Variants in SHROOM3 observed in about 807,000 individuals in gnomAD.
SHROOM3 encodes the protein protein Shroom3.
Under a neutral mutation model 138.6 loss-of-function variants are expected in SHROOM3, and 47 were observed. That is an observed-to-expected ratio of 0.34 (90% CI 0.27 to 0.43). The LOEUF (loss-of-function observed/expected upper bound fraction) is 0.43. Ranked by LOEUF, SHROOM3 falls within the 20% of genes least tolerant of loss-of-function variation. SHROOM3 has a pLI of 1.00. For synonymous variants in SHROOM3, 1,062 were observed against 1,063.3 expected, an observed-to-expected ratio of 1.00 and a Z score of 0.02; for missense variants, 2,491 against 2,596.5, an observed-to-expected ratio of 0.96 and a Z score of 0.88.
At chr4:76,638,319 C>T (rs990916893) in intron 2 of SHROOM3, among the ~76,000 whole-genome samples, 1 of 151,552 alleles carries the variant, frequency 6.6e-6, no homozygotes, top group Non-Finnish European at 1.5e-5. Flanking sequence ...ACTATGTACC[C>T]AAAAAAATTA....
At chr4:76,641,263 C>T (rs1008777466) in intron 2 of SHROOM3, among the ~76,000 whole-genome samples, 3 of 152,100 alleles carry the variant, frequency 2.0e-5, no homozygotes, top group African/African-American at 7.2e-5. Context: ...GGAAGGATGC[C>T]TTGATGAATG....
At chr4:76,516,317 T>C (rs1732444540) in intron 1 of SHROOM3, among the ~76,000 whole-genome samples, 1 of 152,206 alleles carries the variant, frequency 6.6e-6, no homozygotes, top group Admixed American at 6.5e-5. Flanking sequence ...TTGCTCCTAT[T>C]ATCCATCCTT....
intron 2 of SHROOM3, among the ~76,000 whole-genome samples, chr4:76,668,256 G>C (rs1230603800): frequency 1.3e-5 from 2 of 151,788 alleles, no homozygotes; most frequent in Non-Finnish European, 2.9e-5. Context: ...TAGTTCTGTG[G>C]TGCAGTTTGA....
intron 2 of SHROOM3, among the ~76,000 whole-genome samples, chr4:76,569,711 T>C (rs568029230): frequency 2.8e-4 from 42 of 151,892 alleles, no homozygotes; most frequent in East Asian, 1.2e-3. Context: ...TTTTTTTTTT[T>C]CCCCTCAAAG....
chr4:76,597,519 C>T (rs1362995710), intron 2 of SHROOM3, among the ~76,000 whole-genome samples: 1 of 151,692 alleles, frequency 6.6e-6, no homozygotes, highest in East Asian at 1.9e-4. Context: ...GTAGAGGGTC[C>T]CACAAATTCC....
chr4:76,499,927 A>C lies in SHROOM3; in HGVS notation c.169-55682A>C, dbSNP rs116606941. 3.3e-3 allele frequency among the ~76,000 whole-genome samples: 497 copies of C among 152,358 alleles called. 3 individuals carry two copies. The highest frequency in any genetic ancestry group is 0.011 in the African/African-American group (468 of 41,584). ...GCTTAAAATAAAAATGATAGCTACCACTTACGGAATTCACTCATGTATTCA... is the reference window on the plus strand; with the variant it reads ...GCTTAAAATAAAAATGATAGCTACCCCTTACGGAATTCACTCATGTATTCA... On this transcript the variant is annotated intron_variant, in intron 1 of 10. Transcript: ENST00000296043.
intron 2 of SHROOM3, among the ~76,000 whole-genome samples, chr4:76,582,816 T>C (rs1734077298): frequency 1.3e-5 from 2 of 152,128 alleles, no homozygotes; most frequent in Admixed American, 1.3e-4. Flanking sequence ...AGTAACGTGT[T>C]CAAGGTCACG....
At chr4:76,446,883 G>A (rs910340438) in intron 1 of SHROOM3, among the ~76,000 whole-genome samples, 1 of 152,172 alleles carries the variant, frequency 6.6e-6, no homozygotes, top group Non-Finnish European at 1.5e-5. Context: ...TACATCTGCT[G>A]TGCTCATCCA....
At chr4:76,553,885 A>G (rs1733421346) in intron 1 of SHROOM3, among the ~76,000 whole-genome samples, 1 of 152,248 alleles carries the variant, frequency 6.6e-6, no homozygotes, top group African/African-American at 2.4e-5. Flanking sequence ...TGCTGCCCAC[A>G]CATACACATA....
At chr4:76,621,216 T>A (rs1390004789) in intron 2 of SHROOM3, among the ~76,000 whole-genome samples, 1 of 151,810 alleles carries the variant, frequency 6.6e-6, no homozygotes, top group Non-Finnish European at 1.5e-5. Context: ...AGCCTCACAC[T>A]GGGCTAACAC....
chr4:76,689,007 C>A, intron 2 of SHROOM3: 1 of 862,292 alleles, frequency 1.2e-6, no homozygotes, highest in Non-Finnish European at 1.4e-6. Context: ...TTGCTTCATT[C>A]ATGCTTCATT....
chr4:76,672,373 T>C (rs530948491), intron 2 of SHROOM3, among the ~76,000 whole-genome samples: 1 of 148,300 alleles, frequency 6.7e-6, no homozygotes, highest in South Asian at 2.1e-4. Context: ...ATGTTTTAAT[T>C]AAATTCTTTT....
intron 1 of SHROOM3, among the ~76,000 whole-genome samples, chr4:76,487,557 T>A (rs1731758312): frequency 6.6e-6 from 1 of 152,224 alleles, no homozygotes; most frequent in Non-Finnish European, 1.5e-5. Context: ...ATGGTATATA[T>A]CTGGCTTGGC....
chr4:76,476,380 G>T lies in SHROOM3; in HGVS notation c.168+40160G>T, dbSNP rs1196753467. ...ACTAAGCACTCAAGGTCTGGCCTAT[G>T]ATATGTTTTCTGTACTCTTCCAAAT... On this transcript the variant is annotated intron_variant, in intron 1 of 10. Coordinates refer to ENST00000296043, the MANE Select transcript of SHROOM3 (RefSeq NM_020859.4). 3.9e-5 allele frequency among the ~76,000 whole-genome samples: 6 copies of T among 152,266 alleles called. No individual in the cohort carries two copies. The East Asian group carries it at 1.2e-3, about 29-fold the overall frequency.
chr4:76,494,937 C>T (rs1731934051), intron 1 of SHROOM3, among the ~76,000 whole-genome samples: 1 of 151,942 alleles, frequency 6.6e-6, no homozygotes, highest in African/African-American at 2.4e-5. Context: ...CAAACAAACT[C>T]TTAACTACCT....
At chr4:76,712,686 T>G (rs895072346) in intron 3 of SHROOM3, among the ~76,000 whole-genome samples, 4 of 152,194 alleles carry the variant, frequency 2.6e-5, no homozygotes, top group Non-Finnish European at 4.4e-5. Flanking sequence ...TTGGCTGGAA[T>G]TTTTACTCTT....
chr4:76,453,038 G>A (rs1322592286), intron 1 of SHROOM3, among the ~76,000 whole-genome samples: 1 of 152,116 alleles, frequency 6.6e-6, no homozygotes, highest in Non-Finnish European at 1.5e-5. Context: ...TTTTTAATAA[G>A]AACTTGTGTG....
intron 3 of SHROOM3, among the ~76,000 whole-genome samples, chr4:76,716,583 C>T (rs1160191877): frequency 6.6e-6 from 1 of 152,178 alleles, no homozygotes; most frequent in African/African-American, 2.4e-5. Flanking sequence ...TGAATATTCT[C>T]ATTATTTGAA....
chr4:76,578,536 G>A (rs1350064358), intron 2 of SHROOM3, among the ~76,000 whole-genome samples: 1 of 152,166 alleles, frequency 6.6e-6, no homozygotes, highest in East Asian at 1.9e-4. Context: ...TTTGAACACA[G>A]TTTTATTTCT....
Sources: gnomAD v4.1 joint callset for allele counts (sites outside exome capture counted in the v4.1 genomes callset) on GRCh38, gnomAD v4.1.1 for gene constraint, MANE v1.5 for transcripts, NCBI Gene and HGNC (gene_info 2026-07-23, HGNC 2026-07-21) for gene names.